The following NUP88 variants were observed in gnomAD, a reference collection of about 807,000 sequenced individuals.
The protein encoded by NUP88 is nucleoporin 88, also known as nuclear pore complex protein Nup88.
Under a neutral mutation model 93.9 loss-of-function variants are expected in NUP88, and 57 were observed. The ratio of observed to expected loss-of-function variants is 0.61; its 90% CI spans 0.49 to 0.76. NUP88 has a LOEUF of 0.76. Among genes scored for constraint, NUP88 ranks in the 30% least tolerant of loss-of-function variants. The pLI, the probability that NUP88 is intolerant of heterozygous loss-of-function variation, is 0.00. For missense variants in NUP88, 911 were observed against 901.0 expected (o/e 1.01, Z -0.14); for synonymous variants, 346 against 336.8 (o/e 1.03, Z -0.30).
chr17:5,388,023 T>G, intron 11 of NUP88, 119 bp from the exon 12 acceptor site: 1 of 1,052,062 alleles, frequency 9.5e-7, no homozygotes, highest in Non-Finnish European at 1.3e-6. Flanking sequence ...TTATTTGAGA[T>G]GCAGTCTCGC....
In NUP88 at chr17:5,384,921, G is replaced by A. The variant is rs1169670244; in HGVS notation, c.*1285C>T. On this transcript the variant is annotated 3_prime_UTR_variant, in exon 17 of 17. Coordinates refer to ENST00000573584, the MANE Select transcript of NUP88 (RefSeq NM_002532.6). The stretch of plus-strand genomic sequence containing the variant: ...CTAGTCCCTTGGATAAGCCCCAAGC[G>A]AATTTGTCTTCAGATTATTAAAATT... 14 of 224,482 alleles carry A rather than the reference G, an allele frequency of 6.2e-5. No individual in the cohort carries two copies. Among genetic ancestry groups the A allele is most frequent in the Non-Finnish European group, 1.2e-4 (13 of 112,850 alleles). The allele number at this position is 224,482 out of a possible 1,614,324, so 13.9% of individuals were successfully genotyped here.
Position 5,394,943 on chromosome 17 carries a change from C to T in NUP88, c.1330G>A (p.Glu444Lys). The T allele has an allele frequency of 1.2e-6, 2 of 1,613,556 alleles. No individual in the cohort carries two copies. The highest frequency in any genetic ancestry group is 2.2e-5 in the South Asian group (2 of 91,054). Residue 444 changes from glutamate to lysine, a missense_variant, in exon 9 of 17, where the codon GAA becomes AAA. Physicochemically the swap from Glu to Lys is moderately conservative, Grantham distance 56. Transcript: ENST00000573584. Reference protein sequence around the residue: ...DKDSLQELSTEQKCFVEHILC... With the variant: ...DKDSLQELSTKQKCFVEHILC... ...ATGTGTTCAACAAAGCATTTCTGTT[C>T]TGTAGAGAGTTCCTGTAAACTATCC...
chr17:5,406,779 GA>G (rs1913520329), intron 5 of NUP88, among the ~76,000 whole-genome samples: 1 of 151,718 alleles, frequency 6.6e-6, no homozygotes, highest in Non-Finnish European at 1.5e-5. Context: ...AAAAAGAAAA[GA>G]AAAGAAAATC....
At chr17:5,400,749 G>C (rs1202992895) in intron 7 of NUP88, among the ~76,000 whole-genome samples, 1 of 152,140 alleles carries the variant, frequency 6.6e-6, no homozygotes. Context: ...TATCACAAAA[G>C]ACTTTAACAC....
chr17:5,404,840 T>C (rs565971391), intron 6 of NUP88, among the ~76,000 whole-genome samples: 39 of 152,330 alleles, frequency 2.6e-4, no homozygotes, highest in Admixed American at 1.2e-3. Context: ...GAAAGTAACA[T>C]GCAGACTGGT....
chr17:5,397,661 A>C (rs1411622249), intron 8 of NUP88, among the ~76,000 whole-genome samples: 1 of 152,246 alleles, frequency 6.6e-6, no homozygotes, highest in Non-Finnish European at 1.5e-5. Context: ...GTCATGTTTT[A>C]AGCCACTAAG....
chr17:5,412,969 A>T (rs747737220), intron 3 of NUP88, among the ~76,000 whole-genome samples: 7 of 152,200 alleles, frequency 4.6e-5, no homozygotes, highest in Non-Finnish European at 1.0e-4. Flanking sequence ...CCCACAAAAC[A>T]CAGGTCTGAC....
intron 10 of NUP88, 125 bp from the exon 11 acceptor site, chr17:5,389,085 A>G: frequency 1.4e-6 from 1 of 693,752 alleles, no homozygotes; most frequent in Non-Finnish European, 2.2e-6. Context: ...GTAAAAGTGC[A>G]AGAATGCATG....
In NUP88 at chr17:5,400,504, A is replaced by C. The variant is rs112253435; in HGVS notation, c.1193-854T>G. ...GTGAAACTCCGTCTCAAAAAAAAAA[A>C]AAAAAAAAAAAAACTCAATCCAAAT... is the stretch of plus-strand genomic sequence containing the variant. On this transcript the variant is annotated intron_variant, in intron 7 of 16. Transcript: ENST00000573584. Among the ~76,000 whole-genome samples, 6 of 104,706 alleles carry C rather than the reference A, an allele frequency of 5.7e-5. 1 individual carries two copies. Among genetic ancestry groups the C allele is most frequent in the Admixed American group, 4.6e-4 (5 of 10,800 alleles). The allele number at this position is 104,706 out of a possible 152,430, so 68.7% of individuals were successfully genotyped here. A position where few individuals can be genotyped will look rare whatever the true frequency, so the allele number is the denominator to read the frequency against.
intron 8 of NUP88, 98 bp from the exon 9 acceptor site, chr17:5,395,079 T>C: frequency 1.4e-6 from 1 of 737,608 alleles, no homozygotes. Flanking sequence ...GGTTCTTGTC[T>C]GAAAACATTG....
At chr17:5,413,319 G>A (rs1347344891) in intron 3 of NUP88, among the ~76,000 whole-genome samples, 3 of 152,188 alleles carry the variant, frequency 2.0e-5, no homozygotes, top group Admixed American at 6.5e-5. Flanking sequence ...TAGAAGTAAC[G>A]AGAAAGCTAT....
chr17:5,404,320 A>G, intron 6 of NUP88, 74 bp from the exon 7 acceptor site: 1 of 1,536,326 alleles, frequency 6.5e-7, no homozygotes. Flanking sequence ...ACAGGCAAAA[A>G]GCTGGGTCAG....
chr17:5,387,166 C>T, intron 14 of NUP88, 56 bp from the exon 15 acceptor site: 1 of 1,573,918 alleles, frequency 6.4e-7, no homozygotes, highest in South Asian at 1.1e-5. Context: ...TTAGGAGAAA[C>T]ATAATCACAA....
rs370157328 is a variant in NUP88 at position 5,387,587 on chromosome 17, C to G, written c.1835+18G>C. On this transcript the variant is annotated intron_variant, in intron 13 of 16. Transcript: ENST00000573584. ...AGTCTTACTGACCTATTGTATTCTT[C>G]TTATTTTTGACACTTACCTCTCTTC... 3 of 1,609,006 alleles carry G rather than the reference C, an allele frequency of 1.9e-6. No homozygotes were observed. Among genetic ancestry groups the G allele is most frequent in the Non-Finnish European group, 2.6e-6 (3 of 1,176,042 alleles).
chr17:5,408,681 A>T, intron 5 of NUP88, 52 bp downstream of exon 5: 1 of 1,384,792 alleles, frequency 7.2e-7, no homozygotes, highest in Non-Finnish European at 9.9e-7. Context: ...AATGATATCT[A>T]CTGGAGCCCA....
intron 3 of NUP88, 27 bp downstream of exon 3, chr17:5,413,982 G>T (rs375491449): frequency 8.0e-5 from 128 of 1,609,638 alleles, no homozygotes; most frequent in Non-Finnish European, 9.8e-5. Flanking sequence ...CACTCGCAAG[G>T]CTTCAAGAGA....
At chr17:5,409,010 G>A (rs532497035) in intron 4 of NUP88, 101 bp from the exon 5 acceptor site, 2 of 951,348 alleles carry the variant, frequency 2.1e-6, no homozygotes, top group African/African-American at 1.7e-5. Flanking sequence ...AATAACAGGA[G>A]GTGGGTATGT....
chr17:5,402,243 G>A (rs1196564484), intron 7 of NUP88, among the ~76,000 whole-genome samples: 1 of 151,944 alleles, frequency 6.6e-6, no homozygotes, highest in Non-Finnish European at 1.5e-5. Flanking sequence ...GGGGGCGGAG[G>A]TTGAAGTGAG....
At chr17:5,390,706 GTT>G (rs58404385) in intron 10 of NUP88, among the ~76,000 whole-genome samples, 1 of 148,854 alleles carries the variant, frequency 6.7e-6, no homozygotes, top group Admixed American at 6.7e-5. Context: ...CAGCTTTTTT[GTT>G]TTTTTTTTTA....
Sources: allele counts gnomAD v4.1 joint callset (sites outside exome capture counted in the v4.1 genomes callset), GRCh38; gene constraint gnomAD v4.1.1; transcripts MANE v1.5; gene names NCBI Gene and HGNC (gene_info 2026-07-23, HGNC 2026-07-21).